The following APP variants were observed in gnomAD, a reference collection of about 807,000 sequenced individuals.
APP encodes amyloid-beta precursor protein.
In APP, 31 loss-of-function variants were observed where a neutral mutation model predicts 101.4. The ratio of observed to expected loss-of-function variants is 0.31; its 90% CI spans 0.23 to 0.41. The LOEUF (loss-of-function observed/expected upper bound fraction) is 0.41. Ranked by LOEUF, APP falls within the 10% of genes least tolerant of loss-of-function variation. APP has a pLI of 1.00. For synonymous variants in APP, 366 were observed against 364.4 expected (o/e 1.00, Z -0.05); for missense variants, 839 against 1,003.7 (o/e 0.84, Z 2.22).
At position 25,911,775 on chromosome 21, in the gene APP, C is replaced by T; in HGVS notation, c.1875G>A (p.Gly625=). The T allele has an allele frequency of 1.4e-5, 22 of 1,614,040 alleles. No individual in the cohort carries two copies. The highest frequency in any genetic ancestry group is 1.9e-5 in the Non-Finnish European group (22 of 1,180,032). ...CTGTGTTGGCTGGCACAGAGTCAGC[C>T]CCAAAAGAATGCCACGGCTGGAGAT... The part of the protein sequence containing the change: ...LDDLQPWHSF[G]ADSVPANTEN... Residue 625 remains glycine, a synonymous_variant, in exon 14 of 18, where the codon GGG becomes GGA. Coordinates refer to ENST00000346798, the MANE Select transcript of APP (RefSeq NM_000484.4).
intron 14 of APP, among the ~76,000 whole-genome samples, chr21:25,911,432 T>C (rs935782621): frequency 6.6e-6 from 1 of 152,214 alleles, no homozygotes; most frequent in African/African-American, 2.4e-5. Flanking sequence ...GCAAATGTTA[T>C]GTAAATCATT....
intron 1 of APP, among the ~76,000 whole-genome samples, chr21:26,162,766 C>T (rs763867411): frequency 6.8e-6 from 1 of 147,404 alleles, no homozygotes; most frequent in Non-Finnish European, 1.5e-5. Flanking sequence ...TCTTTTATGG[C>T]TGAAAAGTAA....
intron 1 of APP, among the ~76,000 whole-genome samples, chr21:26,124,119 A>T (rs1038786720): frequency 6.6e-6 from 1 of 152,186 alleles, no homozygotes; most frequent in East Asian, 1.9e-4. Flanking sequence ...GCCAACAATT[A>T]AGAAACACCT....
chr21:26,008,631 T>C (rs1046877716), intron 6 of APP, among the ~76,000 whole-genome samples: 2 of 152,160 alleles, frequency 1.3e-5, no homozygotes, highest in Non-Finnish European at 2.9e-5. Flanking sequence ...AATTCCTCTA[T>C]ACTGTAATAA....
chr21:25,944,130 G>A (rs542121463), intron 13 of APP, among the ~76,000 whole-genome samples: 6 of 152,110 alleles, frequency 3.9e-5, no homozygotes, highest in Non-Finnish European at 8.8e-5. Flanking sequence ...TTTAACTCAT[G>A]CTTTTAGGAG....
intron 16 of APP, among the ~76,000 whole-genome samples, chr21:25,895,036 G>A (rs778333896): frequency 1.3e-5 from 2 of 151,758 alleles, no homozygotes; most frequent in Non-Finnish European, 2.9e-5. Context: ...ATTAGGACTT[G>A]CTGAAGACTC....
intron 2 of APP, among the ~76,000 whole-genome samples, chr21:26,096,488 T>C (rs1426839751): frequency 1.3e-5 from 2 of 152,190 alleles, no homozygotes; most frequent in Non-Finnish European, 2.9e-5. Flanking sequence ...CTATAGCTTA[T>C]TAGAGCCCAA....
intron 5 of APP, among the ~76,000 whole-genome samples, chr21:26,025,940 C>T (rs1360921132): frequency 6.6e-6 from 1 of 152,124 alleles, no homozygotes; most frequent in African/African-American, 2.4e-5. Context: ...CCAAAGAATG[C>T]CAAACACAAC....
At chr21:26,131,249 A>G (rs182884288) in intron 1 of APP, among the ~76,000 whole-genome samples, 8 of 152,048 alleles carry the variant, frequency 5.3e-5, no homozygotes, top group East Asian at 3.9e-4. Flanking sequence ...ATAAATAAAT[A>G]AATAAATTAA....
chr21:26,089,432 G>A (rs1185251407), intron 3 of APP: 2 of 139,804 alleles, frequency 1.4e-5, no homozygotes, highest in East Asian at 2.1e-4. Flanking sequence ...GATGTAAGCA[G>A]AAAAAAAGCC....
At chr21:26,038,039 A>G (rs571333548) in intron 5 of APP, among the ~76,000 whole-genome samples, 16 of 152,176 alleles carry the variant, frequency 1.1e-4, no homozygotes, top group Non-Finnish European at 2.2e-4. Flanking sequence ...TGACTTTGCT[A>G]TTTGAATACC....
chr21:25,969,922 A>T (rs867780488), intron 11 of APP, among the ~76,000 whole-genome samples: 17 of 135,924 alleles, frequency 1.3e-4, no homozygotes, highest in East Asian at 4.6e-4. Flanking sequence ...AGGGGAAGAG[A>T]AAAGGAAAGG....
In APP at chr21:25,953,491, A is replaced by G. The variant is rs41435646; in HGVS notation, c.1687+1099T>C. Among the ~76,000 whole-genome samples the G allele has an allele frequency of 3.9e-3, 588 of 152,326 alleles. 6 individuals are homozygous for G. The highest frequency in any genetic ancestry group is 0.013 in the African/African-American group (559 of 41,576). ...TACTGTAATGGGTACATCCATCTAC[A>G]ACATCCTGGGTGCTCTGATTCCAGA... On this transcript the variant is annotated intron_variant, in intron 13 of 17. Coordinates refer to ENST00000346798, the MANE Select transcript of APP (RefSeq NM_000484.4).
At chr21:26,111,801 C>T (rs2062330752) in intron 2 of APP, among the ~76,000 whole-genome samples, 178 bp downstream of exon 2, 1 of 152,000 alleles carries the variant, frequency 6.6e-6, no homozygotes, top group Admixed American at 6.5e-5. Flanking sequence ...ATTTTAAAAA[C>T]ATTTATATGT....
intron 16 of APP, among the ~76,000 whole-genome samples, chr21:25,895,640 A>AC (rs1478413729): frequency 6.6e-6 from 1 of 152,202 alleles, no homozygotes; most frequent in Non-Finnish European, 1.5e-5. Flanking sequence ...AAACTAACAT[A>AC]CTAGCAATCT....
chr21:25,928,389 T>A (rs1429245892), intron 13 of APP, among the ~76,000 whole-genome samples: 3 of 148,870 alleles, frequency 2.0e-5, no homozygotes, highest in Non-Finnish European at 4.4e-5. Context: ...CAAGTTTATA[T>A]ACTACAGAAA....
At chr21:25,909,574 A>T (rs1179820295) in intron 14 of APP, among the ~76,000 whole-genome samples, 1 of 148,708 alleles carries the variant, frequency 6.7e-6, no homozygotes. Flanking sequence ...CCAAGGGTTC[A>T]CAGTGTATGT....
chr21:26,075,493 C>G (rs2061483842), intron 3 of APP, among the ~76,000 whole-genome samples: 2 of 152,166 alleles, frequency 1.3e-5, no homozygotes. Flanking sequence ...TTGCAGGATA[C>G]TACAGGCTAT....
At chr21:26,086,160 T>C (rs2061699063) in intron 3 of APP, among the ~76,000 whole-genome samples, 1 of 152,166 alleles carries the variant, frequency 6.6e-6, no homozygotes, top group Non-Finnish European at 1.5e-5. Flanking sequence ...ATATTCTCCT[T>C]GAGTAACAGT....
Sources: gnomAD v4.1 joint callset for allele counts (sites outside exome capture counted in the v4.1 genomes callset) on GRCh38, gnomAD v4.1.1 for gene constraint, MANE v1.5 for transcripts, NCBI Gene and HGNC (gene_info 2026-07-23, HGNC 2026-07-21) for gene names.